IL12RB2: variants seen among roughly 807,000 people sequenced by gnomAD.
The protein encoded by IL12RB2 is interleukin 12 receptor subunit beta 2.
In IL12RB2, 82 loss-of-function variants were observed where a neutral mutation model predicts 89.4. The observed-to-expected ratio is 0.92, with a 90% CI of 0.77 to 1.10. The LOEUF is 1.10. Ranked by LOEUF, IL12RB2 falls within the 50% of genes least tolerant of loss-of-function variation. The probability of loss-of-function intolerance (pLI) is 0.00; values close to 1 mark genes in which losing one functional copy is unlikely to be tolerated. For missense variants in IL12RB2, 963 were observed against 1,031.9 expected (o/e 0.93, Z 0.92); for synonymous variants, 368 against 370.1 (o/e 0.99, Z 0.07).
intron 11 of IL12RB2, among the ~76,000 whole-genome samples, chr1:67,370,145 C>T (rs1188248012): frequency 1.3e-5 from 2 of 151,996 alleles, no homozygotes; most frequent in Non-Finnish European, 2.9e-5. Context: ...AAAATAAACA[C>T]TTAAAAATTA....
chr1:67,359,936 A>G (rs1661817790), intron 10 of IL12RB2, among the ~76,000 whole-genome samples: 1 of 152,102 alleles, frequency 6.6e-6, no homozygotes, highest in Admixed American at 6.6e-5. Context: ...ACAAATTACC[A>G]TAGCAAAAAT....
chr1:67,384,973 A>C (rs1197965562), intron 14 of IL12RB2, among the ~76,000 whole-genome samples: 2 of 152,164 alleles, frequency 1.3e-5, no homozygotes, highest in African/African-American at 4.8e-5. Context: ...TCTCTAGGAA[A>C]TTCCAAACTT....
At chr1:67,391,207 G>A (rs1025025315) in intron 16 of IL12RB2, among the ~76,000 whole-genome samples, 6 of 152,170 alleles carry the variant, frequency 3.9e-5, no homozygotes, top group South Asian at 4.1e-4. Flanking sequence ...TTACCACTGT[G>A]AGGATTAAAT....
chr1:67,380,984 A>G (rs1664510747), intron 14 of IL12RB2, among the ~76,000 whole-genome samples: 2 of 152,228 alleles, frequency 1.3e-5, no homozygotes, highest in African/African-American at 4.8e-5. Context: ...TTAGGACTTC[A>G]ACATACAAAT....
intron 15 of IL12RB2, among the ~76,000 whole-genome samples, chr1:67,389,305 C>G (rs1180403057): frequency 6.8e-6 from 1 of 147,674 alleles, no homozygotes; most frequent in African/African-American, 2.5e-5. Flanking sequence ...TCTCTTACTT[C>G]AAAAGGTTAG....
At chr1:67,392,662 C>T (rs1011928730) in intron 16 of IL12RB2, among the ~76,000 whole-genome samples, 1 of 125,538 alleles carries the variant, frequency 8.0e-6, no homozygotes, top group African/African-American at 3.2e-5. Context: ...GACGGAGTCT[C>T]GCTTTGTTGC....
chr1:67,385,198 C>T (rs931057619), intron 14 of IL12RB2, among the ~76,000 whole-genome samples: 2 of 152,214 alleles, frequency 1.3e-5, no homozygotes, highest in African/African-American at 4.8e-5. Context: ...TTAATTGACT[C>T]ATAATTCAGC....
chr1:67,391,388 T>G (rs866169716), intron 16 of IL12RB2, among the ~76,000 whole-genome samples: 1 of 144,434 alleles, frequency 6.9e-6, no homozygotes, highest in African/African-American at 2.6e-5. Context: ...TGTGTGTCTA[T>G]ACACACACAC....
chr1:67,338,991 G>C (rs1168176375), intron 9 of IL12RB2, among the ~76,000 whole-genome samples: 1 of 152,006 alleles, frequency 6.6e-6, no homozygotes, highest in African/African-American at 2.4e-5. Context: ...TCTTCTGACT[G>C]TTGTCCCCTT....
rs906784668 is a variant in IL12RB2 at position 67,351,157 on chromosome 1, A to G, written c.1258+68A>G. ...GTCTTACTCATCTCTTATCTCCTGC[A>G]GGCCCAACCCAGGACCTAAAATGAG... is the stretch of plus-strand genomic sequence containing the variant. On this transcript the variant is annotated intron_variant, in intron 10 of 16. Coordinates refer to ENST00000674203, the MANE Select transcript of IL12RB2 (RefSeq NM_001374259.2). 5 of 1,580,852 alleles carry G rather than the reference A, an allele frequency of 3.2e-6. No individual in the cohort carries two copies. The African/African-American group carries it at 5.4e-5, about 17-fold the overall frequency.
chr1:67,325,395 T>TG (rs145095375), intron 4 of IL12RB2, among the ~76,000 whole-genome samples: 7,313 of 152,236 alleles, frequency 0.048, 607 homozygotes, highest in African/African-American at 0.17. Context: ...CCTCAGTAGC[T>TG]GGAATTACAG....
intron 15 of IL12RB2, among the ~76,000 whole-genome samples, chr1:67,386,872 T>TTATATATATATA (rs1179774666): frequency 3.4e-3 from 163 of 48,154 alleles, no homozygotes; most frequent in Non-Finnish European, 5.0e-3. Flanking sequence ...GAAATGTATT[T>TTATATATATATA]TATATATATA....
In IL12RB2 at chr1:67,349,501, G is replaced by A. The variant is rs181663976; in HGVS notation, c.1039-1369G>A. ...GAACATCCTACTCTAAAAAGCACTT[G>A]CTTATTCTAATCCATACAACAGGCC... is the stretch of plus-strand genomic sequence containing the variant. On this transcript the variant is annotated intron_variant, in intron 9 of 16. Coordinates refer to ENST00000674203, the MANE Select transcript of IL12RB2 (RefSeq NM_001374259.2). 1.6e-3 allele frequency among the ~76,000 whole-genome samples: 240 copies of A among 152,246 alleles called. 2 individuals are homozygous for A. The highest frequency in any genetic ancestry group is 1.5e-3 in the Non-Finnish European group (101 of 68,018).
intron 10 of IL12RB2, among the ~76,000 whole-genome samples, chr1:67,366,733 G>T (rs531414184): frequency 6.6e-6 from 1 of 152,022 alleles, no homozygotes; most frequent in Non-Finnish European, 1.5e-5. Flanking sequence ...TCTTGCACAG[G>T]CACACAAGAG....
chr1:67,334,628 C>A (rs909534922), intron 8 of IL12RB2, among the ~76,000 whole-genome samples: 23 of 148,242 alleles, frequency 1.6e-4, no homozygotes, highest in Middle Eastern at 6.9e-3. Flanking sequence ...ACAGGCACCC[C>A]GCCACCACGC....
At position 67,397,875 on chromosome 1, in the gene IL12RB2, G is replaced by A. The variant is rs1215221971; in HGVS notation, c.*1786G>A. Reference sequence around the variant, plus strand: ...TGTAAATGTGTACTTCTTGCCTAACGTGAGGAACTAAAAACTTGTCCATGC... The same window carrying A: ...TGTAAATGTGTACTTCTTGCCTAACATGAGGAACTAAAAACTTGTCCATGC... On this transcript the variant is annotated 3_prime_UTR_variant, in exon 17 of 17. Coordinates refer to ENST00000674203, the MANE Select transcript of IL12RB2 (RefSeq NM_001374259.2). 6.6e-6 allele frequency among the ~76,000 whole-genome samples: 1 copy of A among 152,048 alleles called. No individual in the cohort carries two copies. Among genetic ancestry groups the A allele is most frequent in the African/African-American group, 2.4e-5 (1 of 41,388 alleles).
intron 2 of IL12RB2, among the ~76,000 whole-genome samples, chr1:67,317,997 G>C (rs139873135): frequency 6.6e-6 from 1 of 152,132 alleles, no homozygotes; most frequent in Non-Finnish European, 1.5e-5. Flanking sequence ...GGAGGGCGTC[G>C]GAGGGATAGA....
chr1:67,328,187 GTT>G lies in IL12RB2; in HGVS notation c.480-10_480-9del, dbSNP rs1657584773. The G allele has an allele frequency of 2.5e-6, 4 of 1,583,452 alleles. No homozygotes were observed. The East Asian group carries it at 8.9e-5, about 35-fold the overall frequency. On this transcript the variant is annotated splice_polypyrimidine_tract_variant and intron_variant, in intron 5 of 16. Transcript: ENST00000674203. ...AAAACATGTTGCTACACGTGGTTGT[GTT>G]TTGTTTACAGGCTAAGTGGACCAAA...
chr1:67,387,577 T>C (rs979734598), intron 15 of IL12RB2, among the ~76,000 whole-genome samples: 2 of 151,360 alleles, frequency 1.3e-5, no homozygotes, highest in South Asian at 4.2e-4. Flanking sequence ...GGCACGAGCC[T>C]GTAGTCCCAG....
Sources: gnomAD v4.1 joint callset for allele counts (sites outside exome capture counted in the v4.1 genomes callset) on GRCh38, gnomAD v4.1.1 for gene constraint, MANE v1.5 for transcripts, NCBI Gene and HGNC (gene_info 2026-07-23, HGNC 2026-07-21) for gene names.